PRKN: variants seen among roughly 807,000 people sequenced by gnomAD.
The protein encoded by PRKN is E3 ubiquitin-protein ligase parkin.
A neutral mutation model predicts 59.5 loss-of-function variants in PRKN; 56 were observed. The observed-to-expected ratio is 0.94, with a 90% confidence interval of 0.76 to 1.18. The LOEUF (loss-of-function observed/expected upper bound fraction) is 1.18, where lower values mean the gene tolerates loss of function less well. Ranked by LOEUF, PRKN falls within the 50% of genes most tolerant of loss-of-function variation. The probability of loss-of-function intolerance (pLI) is 0.00; values close to 1 mark genes in which losing one functional copy is unlikely to be tolerated. For synonymous variants in PRKN, 250 were observed against 222.1 expected, an observed-to-expected ratio of 1.13 and a Z score of -1.12; for missense variants, 657 against 596.4, an observed-to-expected ratio of 1.10 and a Z score of -1.06.
chr6:162,451,928 G>A (rs1790647011), intron 1 of PRKN, among the ~76,000 whole-genome samples: 1 of 152,096 alleles, frequency 6.6e-6, no homozygotes, highest in African/African-American at 2.4e-5. Context: ...CTTGTGTCAA[G>A]GCAAATCATA....
intron 6 of PRKN, among the ~76,000 whole-genome samples, chr6:161,968,978 C>A (rs1471867604): frequency 1.3e-5 from 2 of 152,062 alleles, no homozygotes; most frequent in Non-Finnish European, 2.9e-5. Context: ...TGCAAATAAG[C>A]CAGTGAGAAA....
chr6:162,663,709 T>C (rs1778986475), intron 1 of PRKN, among the ~76,000 whole-genome samples: 2 of 151,936 alleles, frequency 1.3e-5, no homozygotes, highest in African/African-American at 4.8e-5. Context: ...GTTTCCTCAC[T>C]TATAAAAAAG....
At chr6:161,802,539 G>A (rs930818725) in intron 6 of PRKN, among the ~76,000 whole-genome samples, 9 of 150,964 alleles carry the variant, frequency 6.0e-5, no homozygotes, top group African/African-American at 1.7e-4. Flanking sequence ...GCCTTTCTCC[G>A]GCTCCTCCTG....
intron 6 of PRKN, among the ~76,000 whole-genome samples, chr6:161,924,668 C>T (rs764568760): frequency 3.2e-4 from 49 of 152,290 alleles, no homozygotes; most frequent in Non-Finnish European, 6.9e-4. Flanking sequence ...AGGGGCTCAA[C>T]ACCCATTCCC....
At chr6:162,402,112 G>C (rs1303910589) in intron 2 of PRKN, among the ~76,000 whole-genome samples, 2 of 151,926 alleles carry the variant, frequency 1.3e-5, no homozygotes, top group African/African-American at 4.8e-5. Context: ...ACCCAGGTGT[G>C]GTGGCACACA....
intron 6 of PRKN, among the ~76,000 whole-genome samples, chr6:161,963,850 A>C (rs1248093213): frequency 1.3e-5 from 2 of 152,220 alleles, no homozygotes; most frequent in Non-Finnish European, 2.9e-5. Flanking sequence ...GACCAGTCAC[A>C]CTGGCATGTC....
intron 6 of PRKN, among the ~76,000 whole-genome samples, chr6:161,808,256 A>C (rs1791418339): frequency 6.6e-6 from 1 of 152,146 alleles, no homozygotes; most frequent in African/African-American, 2.4e-5. Flanking sequence ...AATTTAAAAT[A>C]TTATTTTTAT....
At chr6:162,150,185 T>A (rs1344208147) in intron 4 of PRKN, among the ~76,000 whole-genome samples, 3 of 152,224 alleles carry the variant, frequency 2.0e-5, no homozygotes, top group African/African-American at 7.2e-5. Flanking sequence ...CAGAAACAGA[T>A]GGATATTTTA....
intron 1 of PRKN, among the ~76,000 whole-genome samples, chr6:162,714,810 A>C (rs1266120387): frequency 1.3e-5 from 2 of 152,226 alleles, no homozygotes; most frequent in East Asian, 3.9e-4. Flanking sequence ...AAAGAGACAA[A>C]GCATCTACGT....
intron 6 of PRKN, among the ~76,000 whole-genome samples, chr6:161,797,909 A>T (rs1790916547): frequency 6.6e-6 from 1 of 152,198 alleles, no homozygotes; most frequent in Admixed American, 6.5e-5. Context: ...TACAAATCAA[A>T]ATGAATTCAG....
At position 162,380,433 on chromosome 6, in the gene PRKN, GTA is replaced by G. The variant is rs776880113; in HGVS notation, c.171+62875_171+62876del. On this transcript the variant is annotated intron_variant, in intron 2 of 11. Coordinates refer to ENST00000366898, the MANE Select transcript of PRKN (RefSeq NM_004562.3). Reference sequence around the variant, plus strand: ...TATATACACACATATATATATGTGTGTATATATATATATGTATATATACACAC... The same window carrying G: ...TATATACACACATATATATATGTGTGTATATATATATGTATATATACACAC... Among the ~76,000 whole-genome samples, 62 of 121,500 alleles carry G rather than the reference GTA, an allele frequency of 5.1e-4. No individual in the cohort carries two copies. In the South Asian group the frequency reaches 9.7e-3, roughly 19 times the overall value. 79.7% of individuals were successfully genotyped at this position (121,500 alleles called of 152,430 possible).
At position 161,545,277 on chromosome 6, in the gene PRKN, C is replaced by A. The variant is rs1410051824; in HGVS notation, c.1083+3577G>T. 2 of 1,476,248 alleles carry A rather than the reference C, an allele frequency of 1.4e-6. No individual in the cohort carries two copies. The highest frequency in any genetic ancestry group is 2.4e-5 in the Admixed American group (1 of 41,306). 91.4% of individuals were successfully genotyped at this position (1,476,248 alleles called of 1,614,324 possible). The stretch of plus-strand genomic sequence containing the variant: ...CTTACAATAAATCTGTGAACCACAT[C>A]CTGATAATCACTGGAGTTAATGACG... On this transcript the variant is annotated intron_variant, in intron 9 of 11. Transcript: ENST00000366898. This position sits in a 1 kb window ranked among gnomAD's most constrained non-coding sequence, Gnocchi z 4.1.
At chr6:162,680,148 T>C (rs1464368678) in intron 1 of PRKN, among the ~76,000 whole-genome samples, 1 of 151,510 alleles carries the variant, frequency 6.6e-6, no homozygotes, top group Non-Finnish European at 1.5e-5. Flanking sequence ...TAGATACATA[T>C]ACACTTAATA....
At chr6:162,719,887 T>C (rs1778864872) in intron 1 of PRKN, among the ~76,000 whole-genome samples, 1 of 144,648 alleles carries the variant, frequency 6.9e-6, no homozygotes, top group Admixed American at 6.9e-5. Flanking sequence ...GGAGTGCAGG[T>C]AGATGTCAAA....
At chr6:162,250,331 T>G (rs922291376) in intron 3 of PRKN, among the ~76,000 whole-genome samples, 19 of 152,154 alleles carry the variant, frequency 1.2e-4, no homozygotes, top group Non-Finnish European at 2.4e-4. Context: ...CTGAGATACC[T>G]TGTACATTTT....
At chr6:162,236,371 A>T (rs1257753024) in intron 3 of PRKN, among the ~76,000 whole-genome samples, 1 of 152,170 alleles carries the variant, frequency 6.6e-6, no homozygotes, top group Admixed American at 6.6e-5. Flanking sequence ...GCCAGCAGAG[A>T]GCCTCTCCTG....
chr6:161,507,548 T>G (rs1016606172), intron 9 of PRKN, among the ~76,000 whole-genome samples: 1 of 152,134 alleles, frequency 6.6e-6, no homozygotes, highest in Admixed American at 6.6e-5. Context: ...GTCAGGGAAG[T>G]TCCAGACAGC....
chr6:162,210,166 T>C lies in PRKN; in HGVS notation c.413-8914A>G, dbSNP rs896397838. 2.2e-5 allele frequency among the ~76,000 whole-genome samples: 3 copies of C among 136,046 alleles called. No individual in the cohort carries two copies. In the Admixed American group the frequency reaches 2.3e-4, roughly 10 times the overall value. 89.3% of individuals were successfully genotyped at this position (136,046 alleles called of 152,430 possible). A position where few individuals can be genotyped will look rare whatever the true frequency, so the allele number is the denominator to read the frequency against. On this transcript the variant is annotated intron_variant, in intron 3 of 11. Coordinates refer to ENST00000366898, the MANE Select transcript of PRKN (RefSeq NM_004562.3). Reference sequence around the variant, plus strand: ...AGCACCTCTCTGGAGCCATGACCTCTTTGTCAAACCCTGGCCTGGCCTTGT... The same window carrying C: ...AGCACCTCTCTGGAGCCATGACCTCCTTGTCAAACCCTGGCCTGGCCTTGT...
intron 6 of PRKN, among the ~76,000 whole-genome samples, chr6:161,790,982 C>T (rs898405864): frequency 8.5e-5 from 13 of 152,110 alleles, no homozygotes; most frequent in African/African-American, 3.1e-4. Flanking sequence ...GGTGACATTT[C>T]AGAGCAGGAC....
Sources: gnomAD v4.1 joint callset for allele counts (sites outside exome capture counted in the v4.1 genomes callset) on GRCh38, gnomAD v4.1.1 for gene constraint, Gnocchi (gnomAD v3.1) non-coding constraint, MANE v1.5 for transcripts, NCBI Gene and HGNC (gene_info 2026-07-23, HGNC 2026-07-21) for gene names.